The following LOXL4 variants were observed in gnomAD, a reference collection of about 807,000 sequenced individuals.
The protein encoded by LOXL4 is lysyl oxidase like 4, also known as lysyl oxidase homolog 4.
LOXL4 carries 72 observed loss-of-function variants against 89.1 expected under a neutral mutation model. The ratio of observed to expected loss-of-function variants is 0.81; its 90% confidence interval spans 0.67 to 0.98. The LOEUF (loss-of-function observed/expected upper bound fraction) is 0.98, where lower values mean the gene tolerates loss of function less well. LOXL4 is among the 50% of genes least tolerant of loss of function. The probability of loss-of-function intolerance (pLI) is 0.00; values close to 1 mark genes in which losing one functional copy is unlikely to be tolerated. For synonymous variants in LOXL4, 355 were observed against 392.1 expected (o/e 0.91, Z 1.12); for missense variants, 984 against 1,017.5 (o/e 0.97, Z 0.45).
chr10:98,259,195 C>T lies in LOXL4; in HGVS notation c.735G>A (p.Trp245Ter), dbSNP rs1210695029. 1.2e-6 allele frequency: 2 copies of T among 1,611,640 alleles called. No homozygotes were observed. Among genetic ancestry groups the T allele is most frequent in the African/African-American group, 2.7e-5 (2 of 74,846 alleles). The change falls in exon 6 of 15, where the codon TGG (tryptophan) becomes TGA (stop). Residue 245 changes from tryptophan (W) to a stop codon, truncating the protein, a stop_gained. Coordinates refer to ENST00000260702, the MANE Select transcript of LOXL4 (RefSeq NM_032211.7). LOFTEE classifies it high-confidence loss of function. ...TCCCCAGGCAGGTGACCTGGTGGAT[C>T]CAGAAGGAGTTCTTATTCGTCAGGC... ...LKSLTNKNSF[W>*]IHQVTCLGTE...
chr10:98,264,568 T>C (rs1858633439), intron 1 of LOXL4, among the ~76,000 whole-genome samples: 1 of 151,690 alleles, frequency 6.6e-6, no homozygotes, highest in African/African-American at 2.4e-5. Context: ...AGGGCCCCTG[T>C]CTCCAGGAGG....
chr10:98,260,784 A>G, intron 4 of LOXL4, 138 bp downstream of exon 4: 1 of 867,646 alleles, frequency 1.2e-6, no homozygotes, highest in South Asian at 1.6e-5. Flanking sequence ...GCCTGTGTGC[A>G]TACTTACTTG....
intron 5 of LOXL4, 36 bp downstream of exon 5, chr10:98,259,355 C>A: frequency 6.2e-7 from 1 of 1,609,816 alleles, no homozygotes; most frequent in South Asian, 1.1e-5. Flanking sequence ...CATGCCACAC[C>A]CCTTTGCCTC....
intron 1 of LOXL4, among the ~76,000 whole-genome samples, chr10:98,264,920 G>T (rs1259965981): frequency 6.6e-6 from 1 of 152,212 alleles, no homozygotes; most frequent in Non-Finnish European, 1.5e-5. Flanking sequence ...GCTCTCACAG[G>T]CCCCTGCCAC....
chr10:98,253,860 G>A, intron 10 of LOXL4, 64 bp from the exon 11 acceptor site: 1 of 1,598,444 alleles, frequency 6.3e-7, no homozygotes, highest in Non-Finnish European at 8.5e-7. Context: ...TTAGTCTCCA[G>A]CACAGAGGGC....
In LOXL4 at chr10:98,261,965, G is replaced by A. The variant is rs1388855466; in HGVS notation, c.456+70C>T. On this transcript the variant is annotated intron_variant, in intron 3 of 14. Coordinates refer to ENST00000260702, the MANE Select transcript of LOXL4 (RefSeq NM_032211.7). ...TTCCCCTCGCTTATCCTCTAGGCCCGTCTTCTGGGAGGCTCTCTGTTCTCT... is the reference window on the plus strand; with the variant it reads ...TTCCCCTCGCTTATCCTCTAGGCCCATCTTCTGGGAGGCTCTCTGTTCTCT... 4.0e-5 allele frequency: 58 copies of A among 1,465,644 alleles called. No homozygotes were observed. The East Asian group carries it at 4.8e-4, about 12-fold the overall frequency. 90.8% of individuals were successfully genotyped at this position (1,465,644 alleles called of 1,614,324 possible).
chr10:98,250,331 T>G (rs1436589556), intron 14 of LOXL4, among the ~76,000 whole-genome samples: 1 of 152,258 alleles, frequency 6.6e-6, no homozygotes, highest in Non-Finnish European at 1.5e-5. Context: ...GTATTGGGGC[T>G]ATTTGCATGT....
intron 4 of LOXL4, 42 bp from the exon 5 acceptor site, chr10:98,259,471 A>G: frequency 3.2e-6 from 5 of 1,573,586 alleles, no homozygotes; most frequent in Non-Finnish European, 4.4e-6. Flanking sequence ...AGGGGTGTGG[A>G]AGTCCCACCC....
At position 98,261,019 on chromosome 10, in the gene LOXL4, G is replaced by A. The variant is rs763351050; in HGVS notation, c.565C>T (p.Gln189Ter). 3.7e-6 allele frequency: 6 copies of A among 1,613,942 alleles called. No homozygotes were observed. The South Asian group carries it at 6.6e-5, about 18-fold the overall frequency. ...ATGGTCCAGCCCTGGTCACACACCTGCCGCCAGTGGCCCTCATACTTCACC... is the reference window on the plus strand; with the variant it reads ...ATGGTCCAGCCCTGGTCACACACCTACCGCCAGTGGCCCTCATACTTCACC... ...VEVKYEGHWR[Q>*]VCDQGWTMNN... The change falls in exon 4 of 15, where the codon CAG becomes TAG. Residue 189 changes from glutamine to a stop codon, truncating the protein, a stop_gained. Transcript: ENST00000260702. LOFTEE classifies it high-confidence loss of function.
At chr10:98,252,030 G>T in intron 12 of LOXL4, 1 of 483,346 alleles carries the variant, frequency 2.1e-6, no homozygotes, top group Non-Finnish European at 3.7e-6. Flanking sequence ...TAAGGGTTAG[G>T]GACTGTGGGT....
Position 98,248,938 on chromosome 10 carries a change from T to C in LOXL4, c.2254A>G (p.Arg752Gly). The C allele has an allele frequency of 6.2e-7, 1 of 1,613,648 alleles. No individual in the cohort carries two copies. The highest frequency in any genetic ancestry group is 1.1e-5 in the South Asian group (1 of 90,894). The change falls in exon 15 of 15, where the codon AGG becomes GGG. Residue 752 changes from arginine to glycine, a missense_variant. Arg to Gly is a moderately radical substitution (Grantham distance 125). Coordinates refer to ENST00000260702, the MANE Select transcript of LOXL4 (RefSeq NM_032211.7). The part of the protein sequence containing the change: ...ELSLEQEQRL[R>G]NNLI Reference sequence around the variant, plus strand: ...TGACAGCTTCAGATGAGGTTGTTCCTGAGACGCTGTTCCTGCTCCAGGGAG... The same window carrying C: ...TGACAGCTTCAGATGAGGTTGTTCCCGAGACGCTGTTCCTGCTCCAGGGAG...
chr10:98,248,845 C>G lies in LOXL4; in HGVS notation c.*76G>C. 1 of 1,364,828 alleles carries G rather than the reference C, an allele frequency of 7.3e-7. No individual in the cohort carries two copies. The highest frequency in any genetic ancestry group is 1.0e-6 in the Non-Finnish European group (1 of 970,108). 84.5% of individuals were successfully genotyped at this position (1,364,828 alleles called of 1,614,324 possible). On this transcript the variant is annotated 3_prime_UTR_variant, in exon 15 of 15. Transcript: ENST00000260702. ...CTGGCCCTTTTCCTCTGAGTTGGGA[C>G]TCTGTGAAGGGCATGGCTCCAATAA...
In LOXL4 at chr10:98,259,011, C is replaced by G; in HGVS notation, c.919G>C (p.Glu307Gln). ...TKPQRKGSWAEEPRVRLRSGA... is the reference protein window; with the variant it reads ...TKPQRKGSWAQEPRVRLRSGA... ...AGTGCAGGATGCCCAGGGCTCACCT[C>G]TGCCCAGGACCCTTTGCGTTGTGGC... Residue 307 changes from glutamate (E) to glutamine (Q), a missense_variant and splice_region_variant, in exon 6 of 15, where the codon GAG (glutamate) becomes CAG (glutamine). Physicochemically the swap from Glu to Gln is conservative, Grantham distance 29. Coordinates refer to ENST00000260702, the MANE Select transcript of LOXL4 (RefSeq NM_032211.7). 6.5e-7 allele frequency: 1 copy of G among 1,538,886 alleles called. No homozygotes were observed. Among genetic ancestry groups the G allele is most frequent in the Non-Finnish European group, 8.8e-7 (1 of 1,138,166 alleles).
At position 98,257,667 on chromosome 10, in the gene LOXL4, T is replaced by TG; in HGVS notation, c.1242dup (p.Met415HisfsTer16). On this transcript the variant is annotated frameshift_variant, in exon 8 of 15. Transcript: ENST00000260702. LOFTEE classifies it high-confidence loss of function. ...AAACTCACCTGATTCTGAAAGCCCA[T>TG]GTTAGGGACATTGCACCTGACAGCA... 6.2e-7 allele frequency: 1 copy of TG among 1,613,870 alleles called. No individual in the cohort carries two copies. The highest frequency in any genetic ancestry group is 8.5e-7 in the Non-Finnish European group (1 of 1,179,898).
intron 1 of LOXL4, among the ~76,000 whole-genome samples, chr10:98,263,707 T>C (rs915485402): frequency 2.0e-5 from 3 of 151,910 alleles, no homozygotes; most frequent in African/African-American, 7.3e-5. Flanking sequence ...TCCTGACTCT[T>C]TCTTTCTTTT....
intron 9 of LOXL4, 152 bp from the exon 10 acceptor site, chr10:98,255,891 G>A: frequency 1.2e-6 from 1 of 823,536 alleles, no homozygotes; most frequent in Non-Finnish European, 1.9e-6. Context: ...AATTCCCTGG[G>A]GCAGTCCATG....
Position 98,248,854 on chromosome 10 carries a change from G to T in LOXL4, c.*67C>A. 7.0e-7 allele frequency: 1 copy of T among 1,428,354 alleles called. No individual in the cohort carries two copies. Among genetic ancestry groups the T allele is most frequent in the East Asian group, 2.3e-5 (1 of 43,562 alleles). 88.5% of individuals were successfully genotyped at this position (1,428,354 alleles called of 1,614,324 possible). ...TTCCTCTGAGTTGGGACTCTGTGAA[G>T]GGCATGGCTCCAATAAGCTGAGGTA... On this transcript the variant is annotated 3_prime_UTR_variant, in exon 15 of 15. Transcript: ENST00000260702.
chr10:98,253,122 C>T (rs1858252717), intron 11 of LOXL4, among the ~76,000 whole-genome samples: 1 of 152,210 alleles, frequency 6.6e-6, no homozygotes, highest in African/African-American at 2.4e-5. Context: ...CTTTGAGGGC[C>T]TTGCCTTACT....
chr10:98,255,790 C>T, intron 9 of LOXL4, 51 bp from the exon 10 acceptor site: 1 of 1,577,114 alleles, frequency 6.3e-7, no homozygotes, highest in Non-Finnish European at 8.7e-7. Flanking sequence ...GAGTCACCTC[C>T]TGACTCCCAT....
Sources: allele counts gnomAD v4.1 joint callset (sites outside exome capture counted in the v4.1 genomes callset), GRCh38; gene constraint gnomAD v4.1.1; transcripts MANE v1.5; gene names NCBI Gene and HGNC (gene_info 2026-07-23, HGNC 2026-07-21).